The following GRM3 variants were observed in gnomAD, a reference collection of about 807,000 sequenced individuals.
GRM3 encodes metabotropic glutamate receptor 3.
In GRM3, 26 loss-of-function variants were observed where a neutral mutation model predicts 70.5. That is an observed-to-expected ratio of 0.37 (90% CI 0.27 to 0.51). The LOEUF (loss-of-function observed/expected upper bound fraction) is 0.51, where lower values mean the gene tolerates loss of function less well. Among genes scored for constraint, GRM3 ranks in the 20% least tolerant of loss-of-function variants. GRM3 has a pLI of 0.93. For missense variants in GRM3, 859 were observed against 1,123.8 expected, an observed-to-expected ratio of 0.76 and a Z score of 3.37; for synonymous variants, 443 against 434.9, an observed-to-expected ratio of 1.02 and a Z score of -0.23.
At chr7:86,821,077 T>G (rs1386193174) in intron 3 of GRM3, among the ~76,000 whole-genome samples, 2 of 151,736 alleles carry the variant, frequency 1.3e-5, no homozygotes, top group African/African-American at 4.8e-5. Flanking sequence ...AACTTGGGGG[T>G]GGGGTGGGGC....
intron 3 of GRM3, among the ~76,000 whole-genome samples, chr7:86,837,413 C>A (rs1452607038): frequency 6.6e-6 from 1 of 152,112 alleles, no homozygotes; most frequent in Non-Finnish European, 1.5e-5. Flanking sequence ...GCAGGGGAGG[C>A]AACAAAGACA....
At chr7:86,782,310 T>C (rs1797089580) in intron 2 of GRM3, among the ~76,000 whole-genome samples, 1 of 144,644 alleles carries the variant, frequency 6.9e-6, no homozygotes, top group Non-Finnish European at 1.5e-5. Context: ...ACAAACTCCA[T>C]TCATCTGATT....
chr7:86,826,856 G>T (rs148025931), intron 3 of GRM3, among the ~76,000 whole-genome samples: 1 of 152,142 alleles, frequency 6.6e-6, no homozygotes, highest in African/African-American at 2.4e-5. Context: ...CAATTCCCCC[G>T]CCCCCTTGGC....
At chr7:86,668,954 G>A (rs1170499146) in intron 1 of GRM3, among the ~76,000 whole-genome samples, 1 of 151,990 alleles carries the variant, frequency 6.6e-6, no homozygotes, top group African/African-American at 2.4e-5. Context: ...CATAACTGTG[G>A]GTGAAAAGCC....
At chr7:86,758,560 A>T (rs1236399903) in intron 1 of GRM3, among the ~76,000 whole-genome samples, 2 of 152,128 alleles carry the variant, frequency 1.3e-5, no homozygotes, top group Non-Finnish European at 2.9e-5. Context: ...GTGCATTTTG[A>T]TGCTTAGGAA....
At position 86,778,002 on chromosome 7, in the gene GRM3, T is replaced by C. The variant is rs539930348; in HGVS notation, c.469-8259T>C. ...ACTCAATGGTTCTCTTCCAGGCACA[T>C]ATATAAGCATTTAATTAAAAGAACT... On this transcript the variant is annotated intron_variant, in intron 2 of 5. Transcript: ENST00000361669. Among the ~76,000 whole-genome samples, 20 of 152,298 alleles carry C rather than the reference T, an allele frequency of 1.3e-4. 1 individual carries two copies. The highest frequency in any genetic ancestry group is 4.1e-4 in the African/African-American group (17 of 41,568).
intron 2 of GRM3, among the ~76,000 whole-genome samples, chr7:86,768,662 A>G (rs1290788797): frequency 6.6e-6 from 1 of 152,154 alleles, no homozygotes; most frequent in Non-Finnish European, 1.5e-5. Context: ...GAGGCCAATC[A>G]GAAAACTGTG....
At chr7:86,717,100 T>C (rs1048930511) in intron 1 of GRM3, among the ~76,000 whole-genome samples, 2 of 151,970 alleles carry the variant, frequency 1.3e-5, no homozygotes, top group African/African-American at 4.8e-5. Context: ...AATGTTCAAA[T>C]ATAAAATGTT....
intron 2 of GRM3, among the ~76,000 whole-genome samples, chr7:86,784,944 C>T (rs1167036911): frequency 6.6e-6 from 1 of 152,162 alleles, no homozygotes; most frequent in Non-Finnish European, 1.5e-5. Flanking sequence ...TGTGTATGAA[C>T]TTGGCTGTTG....
intron 1 of GRM3, among the ~76,000 whole-genome samples, chr7:86,688,817 T>G (rs1389443570): frequency 3.7e-5 from 5 of 134,044 alleles, no homozygotes; most frequent in African/African-American, 1.4e-4. Flanking sequence ...ACACATATGA[T>G]ATATATATAT....
chr7:86,651,759 A>C (rs1477741466), intron 1 of GRM3, among the ~76,000 whole-genome samples: 1 of 152,180 alleles, frequency 6.6e-6, no homozygotes, highest in Non-Finnish European at 1.5e-5. Context: ...TTAGATGTCT[A>C]ACAAATCTCT....
intron 3 of GRM3, among the ~76,000 whole-genome samples, chr7:86,797,976 C>T (rs1797592691): frequency 6.6e-6 from 1 of 152,164 alleles, no homozygotes; most frequent in Non-Finnish European, 1.5e-5. Context: ...GTGACTTACA[C>T]ATGATGTTGG....
chr7:86,847,968 C>T (rs183976371), intron 4 of GRM3, among the ~76,000 whole-genome samples: 1 of 152,236 alleles, frequency 6.6e-6, no homozygotes, highest in East Asian at 1.9e-4. Context: ...CTTCCATTAT[C>T]TCTTCAGTAT....
intron 1 of GRM3, among the ~76,000 whole-genome samples, chr7:86,648,418 C>T (rs960853933): frequency 1.3e-5 from 2 of 152,128 alleles, no homozygotes; most frequent in African/African-American, 4.8e-5. Context: ...CTCTGAGCCC[C>T]AGAAGCTGTT....
In GRM3 at chr7:86,864,482, A is replaced by G. The variant is rs1307545557; in HGVS notation, c.*127A>G. On this transcript the variant is annotated 3_prime_UTR_variant, in exon 6 of 6. Coordinates refer to ENST00000361669, the MANE Select transcript of GRM3 (RefSeq NM_000840.3). ...CCTTTTTTTAGAAACAGTACGATAA[A>G]TTATTTTTGAGGACTGTATATAGTG... 1.5e-5 allele frequency: 11 copies of G among 742,118 alleles called. No individual in the cohort carries two copies. Among genetic ancestry groups the G allele is most frequent in the Non-Finnish European group, 2.7e-5 (11 of 405,726 alleles). The allele number at this position is 742,118 out of a possible 1,614,324, so 46.0% of individuals were successfully genotyped here.
intron 3 of GRM3, among the ~76,000 whole-genome samples, chr7:86,801,377 A>G (rs1383511219): frequency 6.6e-6 from 1 of 152,152 alleles, no homozygotes; most frequent in Non-Finnish European, 1.5e-5. Flanking sequence ...CCACCACAGC[A>G]AACATCTTAC....
At chr7:86,703,450 G>C (rs1794989831) in intron 1 of GRM3, among the ~76,000 whole-genome samples, 2 of 151,946 alleles carry the variant, frequency 1.3e-5, no homozygotes, top group African/African-American at 4.8e-5. Context: ...GTAGACAGGA[G>C]AGAAGTGTCC....
chr7:86,745,950 T>A (rs920916194), intron 1 of GRM3, among the ~76,000 whole-genome samples: 3 of 149,554 alleles, frequency 2.0e-5, no homozygotes, highest in African/African-American at 7.3e-5. Context: ...TTTAATGAGT[T>A]AATGATGGAG....
At chr7:86,689,831 T>C (rs1357766506) in intron 1 of GRM3, among the ~76,000 whole-genome samples, 7 of 152,174 alleles carry the variant, frequency 4.6e-5, no homozygotes, top group Non-Finnish European at 7.4e-5. Flanking sequence ...AAGTCCATCA[T>C]TGGTCTATTA....
Sources: gnomAD v4.1 joint callset for allele counts (sites outside exome capture counted in the v4.1 genomes callset) on GRCh38, gnomAD v4.1.1 for gene constraint, MANE v1.5 for transcripts, NCBI Gene and HGNC (gene_info 2026-07-23, HGNC 2026-07-21) for gene names.